SMYD3: variants seen among roughly 807,000 people sequenced by gnomAD.
The protein encoded by SMYD3 is SET and MYND domain containing 3, also known as histone-lysine N-methyltransferase SMYD3.
In SMYD3, 36 loss-of-function variants were observed where a neutral mutation model predicts 57.7. The ratio of observed to expected loss-of-function variants is 0.62; its 90% CI spans 0.48 to 0.82. The LOEUF is 0.82. Among genes scored for constraint, SMYD3 ranks in the 40% least tolerant of loss-of-function variants. The probability of loss-of-function intolerance (pLI) is 0.00; values close to 1 mark genes in which losing one functional copy is unlikely to be tolerated. For synonymous variants in SMYD3, 211 were observed against 195.0 expected (o/e 1.08, Z -0.68); for missense variants, 515 against 538.8 (o/e 0.96, Z 0.44).
chr1:246,455,052 T>G (rs2067682346), intron 1 of SMYD3, among the ~76,000 whole-genome samples: 1 of 152,224 alleles, frequency 6.6e-6, no homozygotes, highest in Admixed American at 6.5e-5. Flanking sequence ...TGAGTTATGA[T>G]GCTGTGCTCA....
At chr1:246,368,049 G>T (rs1489978189) in intron 1 of SMYD3, among the ~76,000 whole-genome samples, 2 of 152,078 alleles carry the variant, frequency 1.3e-5, no homozygotes, top group Non-Finnish European at 2.9e-5. Context: ...CTCTCTTCTG[G>T]GTATAGGCTG....
rs904302558 is a variant in SMYD3 at position 246,418,431 on chromosome 1, A to G, written c.165-63337T>C. On this transcript the variant is annotated intron_variant, in intron 1 of 11. Transcript: ENST00000490107. ...ACCCCATGGCAGTGTCTAGAGGTGT[A>G]TGTTTACAGCTCCTGAAGCCCCAGT... Among the ~76,000 whole-genome samples, 148 of 152,248 alleles carry G rather than the reference A, an allele frequency of 9.7e-4. 1 individual carries two copies. Among genetic ancestry groups the G allele is most frequent in the Non-Finnish European group, 4.6e-4 (31 of 68,022 alleles).
chr1:246,074,899 GCATGCTAAAGCAATACACACACACACACA>G, intron 5 of SMYD3, among the ~76,000 whole-genome samples: 1 of 144,894 alleles, frequency 6.9e-6, no homozygotes, highest in South Asian at 2.2e-4. Context: ...CAATATAATA[GCATGCTAAAGCAATACACACACACACACA>G]CACACACACA....
In SMYD3 at chr1:245,779,570, GCTCAAATTA is replaced by G. The variant is rs367737625; in HGVS notation, c.1077-15430_1077-15422del. ...TTAGATAATCAAATCCCTACTTAGA[GCTCAAATTA>G]CTCAAATTACTCAAATTACAAGTTC... On this transcript the variant is annotated intron_variant, in intron 10 of 11. Transcript: ENST00000490107. Among the ~76,000 whole-genome samples, 804 of 152,220 alleles carry G rather than the reference GCTCAAATTA, an allele frequency of 5.3e-3. 3 individuals are homozygous for G. The highest frequency in any genetic ancestry group is 0.018 in the African/African-American group (764 of 41,528).
chr1:246,382,940 G>T (rs552733418), intron 1 of SMYD3, among the ~76,000 whole-genome samples: 1 of 152,120 alleles, frequency 6.6e-6, no homozygotes, highest in East Asian at 1.9e-4. Flanking sequence ...CATGCTCCAG[G>T]CTCGCACCCA....
At chr1:246,424,619 T>G (rs2067189843) in intron 1 of SMYD3, among the ~76,000 whole-genome samples, 2 of 152,190 alleles carry the variant, frequency 1.3e-5, no homozygotes, top group Non-Finnish European at 2.9e-5. Context: ...ATTGCTTTCC[T>G]TTCCATCTGT....
intron 5 of SMYD3, among the ~76,000 whole-genome samples, chr1:246,015,698 C>G (rs368959348): frequency 6.6e-6 from 1 of 152,170 alleles, no homozygotes; most frequent in Non-Finnish European, 1.5e-5. Context: ...AATATTTGCC[C>G]TTTTGTAACT....
At chr1:246,102,388 T>C (rs1055391442) in intron 5 of SMYD3, among the ~76,000 whole-genome samples, 11 of 152,158 alleles carry the variant, frequency 7.2e-5, no homozygotes, top group African/African-American at 2.7e-4. Context: ...TTCTCCATAA[T>C]GGCCAGCACA....
At chr1:246,180,636 G>A (rs191501108) in intron 5 of SMYD3, among the ~76,000 whole-genome samples, 20 of 151,228 alleles carry the variant, frequency 1.3e-4, no homozygotes, top group Non-Finnish European at 2.5e-4. Context: ...GTGGATGCCT[G>A]TAGTCCCAGC....
At chr1:246,035,949 A>T (rs1228094976) in intron 5 of SMYD3, among the ~76,000 whole-genome samples, 1 of 152,240 alleles carries the variant, frequency 6.6e-6, no homozygotes, top group Non-Finnish European at 1.5e-5. Context: ...AGTGACAAGG[A>T]GGGATGACAC....
intron 11 of SMYD3, among the ~76,000 whole-genome samples, chr1:245,750,748 G>C (rs890759215): frequency 6.6e-6 from 1 of 152,128 alleles, no homozygotes; most frequent in African/African-American, 2.4e-5. Context: ...GGGTGGACTG[G>C]GGAGAAGGGA....
intron 1 of SMYD3, among the ~76,000 whole-genome samples, chr1:246,452,749 C>T (rs2067649958): frequency 6.6e-6 from 1 of 152,142 alleles, no homozygotes; most frequent in South Asian, 2.1e-4. Flanking sequence ...ATTTTTAAAC[C>T]GTTCCTGATT....
intron 5 of SMYD3, among the ~76,000 whole-genome samples, chr1:246,041,670 T>C (rs894213322): frequency 3.2e-4 from 49 of 152,146 alleles, no homozygotes; most frequent in African/African-American, 1.1e-3. Context: ...AAAACATTCA[T>C]AGCCTGAGTG....
intron 5 of SMYD3, among the ~76,000 whole-genome samples, chr1:245,986,026 T>C (rs1451150444): frequency 3.9e-5 from 6 of 152,124 alleles, no homozygotes; most frequent in East Asian, 1.9e-4. Flanking sequence ...ACAACATACA[T>C]CAGTGATTCT....
chr1:245,751,871 T>A (rs1179754926), intron 11 of SMYD3, among the ~76,000 whole-genome samples: 1 of 152,210 alleles, frequency 6.6e-6, no homozygotes. Context: ...CAGGGGGCTG[T>A]CCGGAGTGCA....
At chr1:246,028,070 C>T (rs1249696773) in intron 5 of SMYD3, among the ~76,000 whole-genome samples, 2 of 152,096 alleles carry the variant, frequency 1.3e-5, no homozygotes, top group African/African-American at 4.8e-5. Flanking sequence ...ACTGATACCA[C>T]AGAAATACAA....
intron 8 of SMYD3, 35 bp downstream of exon 8, chr1:245,915,495 G>T: frequency 1.5e-6 from 2 of 1,340,504 alleles, no homozygotes; most frequent in Non-Finnish European, 2.1e-6. Flanking sequence ...AGATTTTGCC[G>T]TGGAGGTGTT....
At chr1:245,941,237 C>T (rs771073373) in intron 5 of SMYD3, among the ~76,000 whole-genome samples, 13 of 152,108 alleles carry the variant, frequency 8.5e-5, no homozygotes, top group Non-Finnish European at 1.9e-4. Context: ...AGTTGGAAAA[C>T]ATAACTCAAG....
chr1:246,316,867 G>A (rs1040546944), intron 5 of SMYD3, among the ~76,000 whole-genome samples: 18 of 150,570 alleles, frequency 1.2e-4, no homozygotes, highest in African/African-American at 3.9e-4. Context: ...GGTGGTGTGC[G>A]GCCTGTAGTC....
Sources: gnomAD v4.1 joint callset for allele counts (sites outside exome capture counted in the v4.1 genomes callset) on GRCh38, gnomAD v4.1.1 for gene constraint, MANE v1.5 for transcripts, NCBI Gene and HGNC (gene_info 2026-07-23, HGNC 2026-07-21) for gene names.